Variants in ANKS1B observed in about 807,000 individuals in gnomAD.
The protein encoded by ANKS1B is ankyrin repeat and sterile alpha motif domain-containing protein 1B.
A neutral mutation model predicts 148.3 loss-of-function variants in ANKS1B; 36 were observed. The ratio of observed to expected loss-of-function variants is 0.24; its 90% CI spans 0.19 to 0.32. The LOEUF is 0.32. ANKS1B is among the 10% of genes least tolerant of loss of function. The pLI, the probability that ANKS1B is intolerant of heterozygous loss-of-function variation, is 1.00. For synonymous variants in ANKS1B, 542 were observed against 560.8 expected (o/e 0.97, Z 0.47); for missense variants, 1,157 against 1,542.6 (o/e 0.75, Z 4.19).
chr12:99,068,339 A>G (rs898762711), intron 16 of ANKS1B, among the ~76,000 whole-genome samples: 1 of 152,156 alleles, frequency 6.6e-6, no homozygotes, highest in African/African-American at 2.4e-5. Context: ...CCTGCTAACC[A>G]TCTAAGCTAT....
At chr12:99,332,079 T>C (rs2087671589) in intron 12 of ANKS1B, among the ~76,000 whole-genome samples, 2 of 152,010 alleles carry the variant, frequency 1.3e-5, no homozygotes, top group South Asian at 4.1e-4. Flanking sequence ...GTTCCTCCCT[T>C]AAACCTCTCA....
rs570746690 is a variant in ANKS1B at position 99,297,419 on chromosome 12, T to C, written c.1757-50555A>G. 1.1e-4 allele frequency among the ~76,000 whole-genome samples: 17 copies of C among 152,248 alleles called. No homozygotes were observed. The South Asian group carries it at 2.9e-3, about 26-fold the overall frequency. On this transcript the variant is annotated intron_variant, in intron 12 of 26. Transcript: ENST00000683438. ...AAAATGTTTTGTAGTAGCGTAAACATAGAATTTTATTTGCTGAGCTATTTC... is the reference window on the plus strand; with the variant it reads ...AAAATGTTTTGTAGTAGCGTAAACACAGAATTTTATTTGCTGAGCTATTTC...
intron 12 of ANKS1B, among the ~76,000 whole-genome samples, chr12:99,290,475 G>C (rs1360126612): frequency 6.6e-6 from 1 of 151,780 alleles, no homozygotes; most frequent in Non-Finnish European, 1.5e-5. Flanking sequence ...GAAAACTACA[G>C]GCCATTATCC....
intron 9 of ANKS1B, among the ~76,000 whole-genome samples, chr12:99,637,286 C>A (rs985579751): frequency 6.6e-6 from 1 of 152,144 alleles, no homozygotes; most frequent in East Asian, 1.9e-4. Context: ...GCTTGGGCAG[C>A]AAAGTGAGAC....
At chr12:98,978,077 T>A (rs1251323116) in intron 17 of ANKS1B, among the ~76,000 whole-genome samples, 1 of 152,142 alleles carries the variant, frequency 6.6e-6, no homozygotes, top group Admixed American at 6.6e-5. Flanking sequence ...AAAGTAGATT[T>A]TTTTTTCAGA....
intron 10 of ANKS1B, among the ~76,000 whole-genome samples, chr12:99,460,797 GA>G (rs568244676): frequency 1.8e-4 from 27 of 152,010 alleles, no homozygotes; most frequent in South Asian, 6.2e-4. Context: ...TTGTTGATGG[GA>G]ATGTAAACTA....
intron 1 of ANKS1B, among the ~76,000 whole-genome samples, chr12:99,875,568 C>T (rs562703948): frequency 6.6e-6 from 1 of 152,274 alleles, no homozygotes; most frequent in South Asian, 2.1e-4. Flanking sequence ...AGTGGAATAG[C>T]ACTGAATGCA....
At chr12:99,520,739 TTTA>T (rs2096867229) in intron 9 of ANKS1B, among the ~76,000 whole-genome samples, 1 of 152,118 alleles carries the variant, frequency 6.6e-6, no homozygotes, top group African/African-American at 2.4e-5. Flanking sequence ...GTAGTTGCGC[TTTA>T]TTGTTTTTTG....
chr12:99,953,606 C>A (rs2095266089), intron 1 of ANKS1B, among the ~76,000 whole-genome samples: 1 of 146,828 alleles, frequency 6.8e-6, no homozygotes. Context: ...AAAAAAAAAA[C>A]CTTAGCAAGA....
chr12:98,805,452 G>T (rs1185785659), intron 20 of ANKS1B, among the ~76,000 whole-genome samples: 1 of 152,144 alleles, frequency 6.6e-6, no homozygotes, highest in Admixed American at 6.5e-5. Context: ...ATGGAGAATT[G>T]ATTCTGTGTA....
chr12:98,932,278 G>C (rs2099814358), intron 17 of ANKS1B, among the ~76,000 whole-genome samples: 1 of 152,160 alleles, frequency 6.6e-6, no homozygotes, highest in Non-Finnish European at 1.5e-5. Context: ...TTTAGTCATA[G>C]TCACTTGTAT....
At chr12:99,081,261 CA>C (rs59488985) in intron 16 of ANKS1B, among the ~76,000 whole-genome samples, 11,614 of 152,170 alleles carry the variant, frequency 0.076, 1,067 homozygotes, top group African/African-American at 0.21. Flanking sequence ...TTGTACTGAG[CA>C]AAGCACCTTT....
intron 9 of ANKS1B, chr12:99,648,782 G>GC: frequency 1.2e-6 from 2 of 1,609,724 alleles, no homozygotes; most frequent in Non-Finnish European, 1.7e-6. Context: ...GTGCAGAGGA[G>GC]CCCAGTGGTG....
At position 99,018,116 on chromosome 12, in the gene ANKS1B, G is replaced by T. The variant is rs1277633236; in HGVS notation, c.2778+35041C>A. On this transcript the variant is annotated intron_variant, in intron 17 of 26. Transcript: ENST00000683438. Reference sequence around the variant, plus strand: ...TTGATTGTCACAGTATAAAGGGCCTGCTATGGTCTGCATGTTTGTGTCTCT... The same window carrying T: ...TTGATTGTCACAGTATAAAGGGCCTTCTATGGTCTGCATGTTTGTGTCTCT... 2.0e-5 allele frequency among the ~76,000 whole-genome samples: 3 copies of T among 152,278 alleles called. No individual in the cohort carries two copies. In the South Asian group the frequency reaches 6.2e-4, roughly 32 times the overall value.
intron 1 of ANKS1B, among the ~76,000 whole-genome samples, chr12:99,874,423 A>AT (rs1471208062): frequency 6.6e-6 from 1 of 151,826 alleles, no homozygotes; most frequent in African/African-American, 2.4e-5. Context: ...AATACCTAAC[A>AT]TTTTTTCCTA....
intron 15 of ANKS1B, among the ~76,000 whole-genome samples, chr12:99,140,651 G>T (rs1434090519): frequency 6.6e-6 from 1 of 152,138 alleles, no homozygotes; most frequent in African/African-American, 2.4e-5. Context: ...GTTCACGAAG[G>T]TTGAGGGACT....
chr12:98,800,699 T>TA (rs2098997827), intron 21 of ANKS1B, among the ~76,000 whole-genome samples: 3 of 146,678 alleles, frequency 2.0e-5, no homozygotes, highest in African/African-American at 5.2e-5. Flanking sequence ...TATGCCATAT[T>TA]TACACTCATT....
chr12:99,909,644 A>G (rs1317134358), intron 1 of ANKS1B, among the ~76,000 whole-genome samples: 1 of 152,150 alleles, frequency 6.6e-6, no homozygotes, highest in African/African-American at 2.4e-5. Context: ...ATAACTTTGT[A>G]ATATAGTTTG....
intron 17 of ANKS1B, among the ~76,000 whole-genome samples, chr12:98,975,564 A>G (rs922070829): frequency 6.6e-6 from 1 of 152,198 alleles, no homozygotes; most frequent in Non-Finnish European, 1.5e-5. Context: ...GAGACAGATT[A>G]TAAACAAAGA....
Sources: gnomAD v4.1 joint callset for allele counts (sites outside exome capture counted in the v4.1 genomes callset) on GRCh38, gnomAD v4.1.1 for gene constraint, MANE v1.5 for transcripts, NCBI Gene and HGNC (gene_info 2026-07-23, HGNC 2026-07-21) for gene names.